The following BAZ1B variants were observed in gnomAD, a reference collection of about 807,000 sequenced individuals.
BAZ1B encodes the protein bromodomain adjacent to zinc finger domain 1B.
BAZ1B carries 22 observed loss-of-function variants against 153.8 expected under a neutral mutation model. That is an observed-to-expected ratio of 0.14 (90% CI 0.10 to 0.20). The LOEUF is 0.20. Among genes scored for constraint, BAZ1B ranks in the 10% least tolerant of loss-of-function variants. The pLI, the probability that BAZ1B is intolerant of heterozygous loss-of-function variation, is 1.00. For missense variants in BAZ1B, 1,325 were observed against 1,799.3 expected (o/e 0.74, Z 4.77); for synonymous variants, 676 against 633.4 (o/e 1.07, Z -1.01).
intron 13 of BAZ1B, among the ~76,000 whole-genome samples, chr7:73,459,049 C>T (rs1788300125): frequency 6.6e-6 from 1 of 151,982 alleles, no homozygotes; most frequent in Admixed American, 6.6e-5. Flanking sequence ...GAGATCGAGA[C>T]CACTCTGGCC....
chr7:73,489,055 G>C, intron 6 of BAZ1B, 139 bp downstream of exon 6: 1 of 796,618 alleles, frequency 1.3e-6, no homozygotes, highest in Non-Finnish European at 2.0e-6. Context: ...CAACCTGTAT[G>C]TAACAGATAT....
intron 13 of BAZ1B, among the ~76,000 whole-genome samples, chr7:73,452,721 C>T (rs920306015): frequency 2.3e-5 from 3 of 130,804 alleles, no homozygotes; most frequent in Non-Finnish European, 4.8e-5. Context: ...GACTTCATCT[C>T]GAGAAAAAAA....
intron 7 of BAZ1B, among the ~76,000 whole-genome samples, chr7:73,472,608 A>G (rs1554572177): frequency 5.3e-5 from 8 of 150,616 alleles, no homozygotes. Context: ...ACGGAGTCTC[A>G]CCCTGTCACC....
chr7:73,481,523 A>C lies in BAZ1B; in HGVS notation c.892-2954T>G, dbSNP rs1276889179. Among the ~76,000 whole-genome samples the C allele has an allele frequency of 6.7e-4, 102 of 151,622 alleles. 1 individual carries two copies. Among genetic ancestry groups the C allele is most frequent in the Non-Finnish European group, 1.5e-4 (10 of 67,916 alleles). On this transcript the variant is annotated intron_variant, in intron 6 of 19. Coordinates refer to ENST00000339594, the MANE Select transcript of BAZ1B (RefSeq NM_032408.4). Reference sequence around the variant, plus strand: ...CAGAGCGAGACTCCATCTCAAAAAAAAAAAAAAAAAGATTTAAACATTAAA... The same window carrying C: ...CAGAGCGAGACTCCATCTCAAAAAACAAAAAAAAAAGATTTAAACATTAAA...
rs376924286 is a variant in BAZ1B at position 73,460,261 on chromosome 7, A to G, written c.3250-543T>C. On this transcript the variant is annotated intron_variant, in intron 12 of 19. Transcript: ENST00000339594. Reference sequence around the variant, plus strand: ...TTTTCCCAGCTAAGGGATCCACTAAATGGCAGAAGCCCCCCCACATAAAGG... The same window carrying G: ...TTTTCCCAGCTAAGGGATCCACTAAGTGGCAGAAGCCCCCCCACATAAAGG... 2.6e-5 allele frequency among the ~76,000 whole-genome samples: 4 copies of G among 152,116 alleles called. No homozygotes were observed. In the East Asian group the frequency reaches 5.8e-4, roughly 22 times the overall value.
chr7:73,478,481 G>A lies in BAZ1B; in HGVS notation c.980C>T (p.Ser327Phe), dbSNP rs1368382441. 1 of 1,609,578 alleles carries A rather than the reference G, an allele frequency of 6.2e-7. No individual in the cohort carries two copies. Among genetic ancestry groups the A allele is most frequent in the Non-Finnish European group, 8.5e-7 (1 of 1,178,294 alleles). Residue 327 changes from serine to phenylalanine, a missense_variant, in exon 7 of 20, where the codon TCT (serine) becomes TTT (phenylalanine). Ser to Phe is a radical substitution (Grantham distance 155, BLOSUM62 -2). Transcript: ENST00000339594. ...PSKKSKTDNS[S>F]LSSPLNPKLW... ...CTTAGGATTTAGTGGTGAACTAAGA[G>A]AAGAGTTGTCTGTCTTGGATTTCTT...
Position 73,459,670 on chromosome 7 carries a change from G to T in BAZ1B, c.3298C>A (p.Leu1100Ile). 1 of 1,613,838 alleles carries T rather than the reference G, an allele frequency of 6.2e-7. No homozygotes were observed. The highest frequency in any genetic ancestry group is 1.6e-4 in the Middle Eastern group (1 of 6,062). Reference sequence around the variant, plus strand: ...AATTTCTTTATGACACTGGCCTGAAGGGCAATCACACACTCACCAAAATCC... The same window carrying T: ...AATTTCTTTATGACACTGGCCTGAATGGCAATCACACACTCACCAAAATCC... ...LKDFGECVIA[L>I]QASVIKKFLQ... The change falls in exon 13 of 20, where the codon CTT becomes ATT. Residue 1100 changes from leucine to isoleucine, a missense_variant. Physicochemically the swap from Leu to Ile is conservative, Grantham distance 5 (BLOSUM62 2). Coordinates refer to ENST00000339594, the MANE Select transcript of BAZ1B (RefSeq NM_032408.4).
In BAZ1B at chr7:73,478,489, GTC is replaced by G. The variant is rs1554573218; in HGVS notation, c.970_971del (p.Asp324GlnfsTer5). 1 of 1,607,878 alleles carries G rather than the reference GTC, an allele frequency of 6.2e-7. No individual in the cohort carries two copies. Among genetic ancestry groups the G allele is most frequent in the Non-Finnish European group, 8.5e-7 (1 of 1,177,392 alleles). On this transcript the variant is annotated frameshift_variant, in exon 7 of 20. Transcript: ENST00000339594. LOFTEE classifies it high-confidence loss of function. ...DRKPSKKSKT[D>X]NSSLSSPLNP... ...TTAGTGGTGAACTAAGAGAAGAGTT[GTC>G]TGTCTTGGATTTCTTTGAGGGCTTC...
At chr7:73,455,030 G>A (rs1313575254) in intron 13 of BAZ1B, among the ~76,000 whole-genome samples, 1 of 150,938 alleles carries the variant, frequency 6.6e-6, no homozygotes, top group Non-Finnish European at 1.5e-5. Flanking sequence ...CACTCGGGGT[G>A]TGTGTGTGTG....
chr7:73,482,308 G>A (rs1554573812), intron 6 of BAZ1B, among the ~76,000 whole-genome samples: 2 of 152,138 alleles, frequency 1.3e-5, no homozygotes, highest in Admixed American at 6.6e-5. Flanking sequence ...GTACTCCAAA[G>A]AGAATATGGC....
chr7:73,468,202 A>G (rs1406108019), intron 9 of BAZ1B, among the ~76,000 whole-genome samples: 1 of 152,298 alleles, frequency 6.6e-6, no homozygotes, highest in East Asian at 1.9e-4. Flanking sequence ...TAGGTTACAG[A>G]CAGCAGAGCT....
Position 73,441,204 on chromosome 7 carries a change from C to T in BAZ1B, c.*505G>A, listed in dbSNP as rs1381213220. 6.6e-6 allele frequency: 1 copy of T among 152,604 alleles called. No individual in the cohort carries two copies. The highest frequency in any genetic ancestry group is 2.4e-5 in the African/African-American group (1 of 41,412). 9.5% of individuals were successfully genotyped at this position (152,604 alleles called of 1,614,324 possible). A position where few individuals can be genotyped will look rare whatever the true frequency, so the allele number is the denominator to read the frequency against. On this transcript the variant is annotated 3_prime_UTR_variant, in exon 20 of 20. Transcript: ENST00000339594. ...GAAGGAGAAGCCAGGGAAGTTAGAG[C>T]AAACACATTATCATAGAAACTGTAC...
At chr7:73,503,879 G>T (rs1394441052) in intron 3 of BAZ1B, among the ~76,000 whole-genome samples, 1 of 152,022 alleles carries the variant, frequency 6.6e-6, no homozygotes, top group Non-Finnish European at 1.5e-5. Context: ...ACCAGGAGAT[G>T]GAAGTAAAGC....
intron 6 of BAZ1B, among the ~76,000 whole-genome samples, chr7:73,480,922 T>C (rs1383698000): frequency 2.0e-5 from 3 of 152,086 alleles, no homozygotes; most frequent in African/African-American, 7.2e-5. Flanking sequence ...ATAAAGCCAT[T>C]TAAATTTTTA....
Position 73,517,109 on chromosome 7 carries a change from G to A in BAZ1B, c.107+4718C>T, listed in dbSNP as rs528708957. On this transcript the variant is annotated intron_variant, in intron 1 of 19. Transcript: ENST00000339594. ...GAGGCAGGAGAATTGCTTGAACCCAGGAGGCGGAGGTTGTAGTGAACCAAG... is the reference window on the plus strand; with the variant it reads ...GAGGCAGGAGAATTGCTTGAACCCAAGAGGCGGAGGTTGTAGTGAACCAAG... Among the ~76,000 whole-genome samples the A allele has an allele frequency of 1.1e-4, 16 of 152,052 alleles. No individual in the cohort carries two copies. In the East Asian group the frequency reaches 2.7e-3, roughly 26 times the overall value.
At chr7:73,496,763 T>C (rs1430186944) in intron 4 of BAZ1B, among the ~76,000 whole-genome samples, 1 of 152,070 alleles carries the variant, frequency 6.6e-6, no homozygotes, top group African/African-American at 2.4e-5. Flanking sequence ...TTACAGATTA[T>C]GGAGAGAAAA....
intron 2 of BAZ1B, among the ~76,000 whole-genome samples, chr7:73,509,620 C>T (rs1790493134): frequency 6.6e-6 from 1 of 151,850 alleles, no homozygotes; most frequent in Non-Finnish European, 1.5e-5. Context: ...ACGTAAGAGG[C>T]TGAGGCAAGA....
Position 73,451,011 on chromosome 7 carries a change from C to A in BAZ1B, c.3433-17G>T. 6.2e-7 allele frequency: 1 copy of A among 1,613,526 alleles called. No individual in the cohort carries two copies. Among genetic ancestry groups the A allele is most frequent in the Non-Finnish European group, 8.5e-7 (1 of 1,179,550 alleles). ...AGATGCAACCTAAACAGAGACCAAA[C>A]CAGGCCAGCATTACTACACTGACCA... On this transcript the variant is annotated splice_polypyrimidine_tract_variant and intron_variant, in intron 13 of 19. Transcript: ENST00000339594.
chr7:73,474,066 G>C (rs1224891718), intron 7 of BAZ1B, among the ~76,000 whole-genome samples: 4 of 152,164 alleles, frequency 2.6e-5, no homozygotes, highest in African/African-American at 7.2e-5. Context: ...AGACAGTGTG[G>C]CTTTTACATA....
Sources: allele counts gnomAD v4.1 joint callset (sites outside exome capture counted in the v4.1 genomes callset), GRCh38; gene constraint gnomAD v4.1.1; transcripts MANE v1.5; gene names NCBI Gene and HGNC (gene_info 2026-07-23, HGNC 2026-07-21).